Variants in KCNQ2 observed in about 807,000 individuals in gnomAD.
KCNQ2 encodes potassium voltage-gated channel subfamily Q member 2, also known as potassium voltage-gated channel subfamily KQT member 2.
Under a neutral mutation model 84.8 loss-of-function variants are expected in KCNQ2, and 14 were observed. The observed-to-expected ratio is 0.17, with a 90% confidence interval of 0.11 to 0.26. KCNQ2 has a LOEUF of 0.26. Among genes scored for constraint, KCNQ2 ranks in the 10% least tolerant of loss-of-function variants. KCNQ2 has a pLI of 1.00. For missense variants in KCNQ2, 788 were observed against 1,254.0 expected (o/e 0.63, Z 5.61); for synonymous variants, 599 against 554.1 (o/e 1.08, Z -1.14).
rs2081382439 is a variant in KCNQ2 at position 63,445,383 on chromosome 20, G to A, written c.388-19C>T. On this transcript the variant is annotated intron_variant, in intron 2 of 16. Transcript: ENST00000359125. ...CGATTTCCTGCAGGGGAGGAAAGCTGAGGCCACCTTGAGGCCTGGGGGAGG... is the reference window on the plus strand; with the variant it reads ...CGATTTCCTGCAGGGGAGGAAAGCTAAGGCCACCTTGAGGCCTGGGGGAGG... The A allele has an allele frequency of 1.9e-6, 3 of 1,612,798 alleles. No individual in the cohort carries two copies. Among genetic ancestry groups the A allele is most frequent in the Admixed American group, 1.7e-5 (1 of 59,996 alleles).
intron 1 of KCNQ2, among the ~76,000 whole-genome samples, chr20:63,454,982 C>T (rs935137853): frequency 6.6e-6 from 1 of 152,220 alleles, no homozygotes; most frequent in Non-Finnish European, 1.5e-5. Context: ...CAGCCCACCA[C>T]GGGGCACTCA....
Position 63,439,697 on chromosome 20 carries a change from G to A in KCNQ2, c.828C>T (p.Thr276=). 2 of 1,613,218 alleles carry A rather than the reference G, an allele frequency of 1.2e-6. No homozygotes were observed. Among genetic ancestry groups the A allele is most frequent in the Non-Finnish European group, 1.7e-6 (2 of 1,179,486 alleles). ...DALWWGLITL[T]TIGYGDKYPQ... ...GGTACTTGTCCCCGTAGCCAATGGT[G>A]GTCAGCGTGATCTGTGGGACCGCAG... Residue 276 remains threonine, a synonymous_variant, in exon 6 of 17, where the codon ACC becomes ACT. Coordinates refer to ENST00000359125, the MANE Select transcript of KCNQ2 (RefSeq NM_172107.4).
intron 1 of KCNQ2, among the ~76,000 whole-genome samples, 159 bp downstream of exon 1, chr20:63,472,009 G>C (rs1568985797): frequency 6.6e-6 from 1 of 151,710 alleles, no homozygotes; most frequent in South Asian, 2.1e-4. Flanking sequence ...ATCGCTCTCC[G>C]GTCTCGGCCC....
In KCNQ2 at chr20:63,472,323, G is replaced by A; in HGVS notation, c.141C>T (p.Ala47=). 6.5e-7 allele frequency: 1 copy of A among 1,538,030 alleles called. No individual in the cohort carries two copies. Among genetic ancestry groups the A allele is most frequent in the Non-Finnish European group, 8.8e-7 (1 of 1,142,620 alleles). The change falls in exon 1 of 17, where the codon GCC becomes GCT. Residue 47 remains alanine (A), a synonymous_variant. Transcript: ENST00000359125. ...TGCTGAGGATGCTGCCGCGCTTGGG[G>A]GCCTCGGAGCCGGCGATCAGCAGCG... ...DGALLIAGSE[A]PKRGSILSKP... is the part of the protein sequence containing the mutation.
chr20:63,412,141 G>C (rs2145528209), intron 15 of KCNQ2: 1 of 471,738 alleles, frequency 2.1e-6, no homozygotes, highest in South Asian at 2.2e-5. Context: ...ACGTCCCAGA[G>C]CGTGGAGTGC....
chr20:63,429,319 C>T (rs1270984116), intron 9 of KCNQ2, among the ~76,000 whole-genome samples: 1 of 151,694 alleles, frequency 6.6e-6, no homozygotes, highest in Non-Finnish European at 1.5e-5. Flanking sequence ...GCCTCCTCAG[C>T]CTCTGCTCCC....
At chr20:63,429,235 G>A (rs550973297) in intron 9 of KCNQ2, among the ~76,000 whole-genome samples, 12 of 146,872 alleles carry the variant, frequency 8.2e-5, no homozygotes, top group Admixed American at 2.0e-4. Flanking sequence ...ATTCCAGCTC[G>A]CTTCAGGAAG....
chr20:63,462,376 TACCCCAGGCAGCAGGGAGGAAAATGCAC>T (rs1185201254), intron 1 of KCNQ2, among the ~76,000 whole-genome samples: 3 of 149,188 alleles, frequency 2.0e-5, no homozygotes, highest in African/African-American at 7.5e-5. Flanking sequence ...AGGCGGCACC[TACCCCAGGCAGCAGGGAGGAAAATGCAC>T]CTACCCCAGG....
rs1568878297 is a variant in KCNQ2, at chr20:63,414,304, C to A, written c.1526-111G>T. 12 of 761,184 alleles carry A rather than the reference C, an allele frequency of 1.6e-5. No individual in the cohort carries two copies. The highest frequency in any genetic ancestry group is 2.7e-5 in the Non-Finnish European group (12 of 438,146). The allele number at this position is 761,184 out of a possible 1,614,324, so 47.2% of individuals were successfully genotyped here. A position where few individuals can be genotyped will look rare whatever the true frequency, so the allele number is the denominator to read the frequency against. The stretch of plus-strand genomic sequence containing the variant: ...AGCGCCAGGGAGCCCCTCGAGGCTC[C>A]CTGTGGTGCCCCTCGGGTGCACCTG... On this transcript the variant is annotated intron_variant, in intron 13 of 16. Coordinates refer to ENST00000359125, the MANE Select transcript of KCNQ2 (RefSeq NM_172107.4). This position sits in a 1 kb window ranked among gnomAD's most constrained non-coding sequence, Gnocchi z 6.6.
In KCNQ2 at chr20:63,408,346, T is replaced by TGCCACAGGTTGACGGCAGGC; in HGVS notation, c.1887+47_1887+66dup. 1 of 1,588,852 alleles carries TGCCACAGGTTGACGGCAGGC rather than the reference T, an allele frequency of 6.3e-7. No homozygotes were observed. The highest frequency in any genetic ancestry group is 8.5e-7 in the Non-Finnish European group (1 of 1,171,772). ...GGCACCCAGCCCCTGAAGCCCACAC[T>TGCCACAGGTTGACGGCAGGC]GCCACAGGTTGACGGCAGGCACCAC... On this transcript the variant is annotated intron_variant, in intron 16 of 16. Transcript: ENST00000359125. This position sits in a 1 kb window ranked among gnomAD's most constrained non-coding sequence, Gnocchi z 5.0.
chr20:63,408,590 CT>C lies in KCNQ2; in HGVS notation c.1764-55del, dbSNP rs1054441420. 5.2e-5 allele frequency: 83 copies of C among 1,595,382 alleles called. No individual in the cohort carries two copies. In the East Asian group the frequency reaches 6.3e-4, roughly 12 times the overall value. On this transcript the variant is annotated intron_variant, in intron 15 of 16. Coordinates refer to ENST00000359125, the MANE Select transcript of KCNQ2 (RefSeq NM_172107.4). The surrounding 1 kb of genome is among the most constrained non-coding windows in gnomAD (Gnocchi z 5.0). ...AGTTCGGGTGGGTGCAGCAGGGCCCCTGCCCTCTCCTCCTGGACCAGGCCAC... is the reference window on the plus strand; with the variant it reads ...AGTTCGGGTGGGTGCAGCAGGGCCCCGCCCTCTCCTCCTGGACCAGGCCAC...
At chr20:63,469,909 G>A (rs1488580384) in intron 1 of KCNQ2, among the ~76,000 whole-genome samples, 1 of 152,272 alleles carries the variant, frequency 6.6e-6, no homozygotes, top group African/African-American at 2.4e-5. Flanking sequence ...CACACCAGGG[G>A]TCTGGGAGCC....
chr20:63,430,552 C>G (rs550166977), intron 9 of KCNQ2, among the ~76,000 whole-genome samples: 11 of 152,328 alleles, frequency 7.2e-5, no homozygotes, highest in African/African-American at 2.6e-4. Context: ...GTGGCTGGCC[C>G]CAGGCTCTGC....
At position 63,471,907 on chromosome 20, in the gene KCNQ2, G is replaced by A. The variant is rs954013795; in HGVS notation, c.296+261C>T. ...CTCCCAGGCTGAGGAGGGGGCTGGG[G>A]CGGCCGCACGTCTCTGTCCTGCGGG... On this transcript the variant is annotated intron_variant, in intron 1 of 16. Coordinates refer to ENST00000359125, the MANE Select transcript of KCNQ2 (RefSeq NM_172107.4). 6 of 440,830 alleles carry A rather than the reference G, an allele frequency of 1.4e-5. No individual in the cohort carries two copies. In the East Asian group the frequency reaches 2.3e-4, roughly 17 times the overall value. The allele number at this position is 440,830 out of a possible 1,614,324, so 27.3% of individuals were successfully genotyped here.
At chr20:63,421,423 C>T (rs2080467153) in intron 11 of KCNQ2, among the ~76,000 whole-genome samples, 1 of 152,160 alleles carries the variant, frequency 6.6e-6, no homozygotes, top group Admixed American at 6.5e-5. Context: ...GCACAGCCCC[C>T]CAAGACCCCC....
chr20:63,416,572 T>C (rs3865527), intron 12 of KCNQ2, among the ~76,000 whole-genome samples: 102,004 of 152,066 alleles, frequency 0.67, 35,198 homozygotes, highest in East Asian at 0.96. Flanking sequence ...CCCAGAGCAC[T>C]GTTGCTGGAG....
At chr20:63,443,093 CCACCATCACCATCACCACCACCACTAT>C (rs1568936136) in intron 4 of KCNQ2, among the ~76,000 whole-genome samples, 4 of 27,104 alleles carry the variant, frequency 1.5e-4, no homozygotes, top group Non-Finnish European at 1.5e-4. Context: ...ACCATTATCA[CCACCATCACCATCACCACCACCACTAT>C]CACCACCACC....
chr20:63,409,697 G>A (rs189737206), intron 15 of KCNQ2, among the ~76,000 whole-genome samples: 8 of 152,344 alleles, frequency 5.3e-5, no homozygotes, highest in Non-Finnish European at 1.0e-4. Context: ...AGCCGACGGG[G>A]CCAAGTCCTC....
At chr20:63,413,317 C>CA in intron 15 of KCNQ2, 133 bp downstream of exon 15, 1 of 990,314 alleles carries the variant, frequency 1.0e-6, no homozygotes, top group South Asian at 1.5e-5. Flanking sequence ...CAGAAGCTGA[C>CA]AGAGGCCGAC....
Sources: gnomAD v4.1 joint callset for allele counts (sites outside exome capture counted in the v4.1 genomes callset) on GRCh38, gnomAD v4.1.1 for gene constraint, Gnocchi (gnomAD v3.1) non-coding constraint, MANE v1.5 for transcripts, NCBI Gene and HGNC (gene_info 2026-07-23, HGNC 2026-07-21) for gene names.